The following RIC1 variants were observed in gnomAD, a reference collection of about 807,000 sequenced individuals.
RIC1 encodes guanine nucleotide exchange factor subunit RIC1.
A neutral mutation model predicts 169.0 loss-of-function variants in RIC1; 88 were observed. That is an observed-to-expected ratio of 0.52 (90% CI 0.44 to 0.62). RIC1 has a LOEUF of 0.62. Among genes scored for constraint, RIC1 ranks in the 20% least tolerant of loss-of-function variants. The probability of loss-of-function intolerance (pLI) is 0.00; values close to 1 mark genes in which losing one functional copy is unlikely to be tolerated. For synonymous variants in RIC1, 790 were observed against 601.5 expected, an observed-to-expected ratio of 1.31 and a Z score of -4.59; for missense variants, 1,877 against 1,725.5, an observed-to-expected ratio of 1.09 and a Z score of -1.56.
chr9:5,698,785 G>A (rs145200477), intron 3 of RIC1, among the ~76,000 whole-genome samples: 2 of 152,294 alleles, frequency 1.3e-5, no homozygotes, highest in African/African-American at 2.4e-5. Context: ...GTTGCAACTG[G>A]TATTGTTGTC....
intron 10 of RIC1, 61 bp from the exon 11 acceptor site, chr9:5,745,870 G>C: frequency 7.1e-7 from 1 of 1,403,128 alleles, no homozygotes; most frequent in South Asian, 1.2e-5. Context: ...ATTGAAGCTA[G>C]AAAGGGATAC....
intron 2 of RIC1, among the ~76,000 whole-genome samples, chr9:5,657,358 A>G (rs1819162057): frequency 6.6e-6 from 1 of 152,126 alleles, no homozygotes; most frequent in South Asian, 2.1e-4. Flanking sequence ...TTATGACTTA[A>G]TATGCATTAG....
At chr9:5,737,967 T>C (rs985280328) in intron 7 of RIC1, among the ~76,000 whole-genome samples, 4 of 151,828 alleles carry the variant, frequency 2.6e-5, no homozygotes, top group African/African-American at 9.7e-5. Context: ...GCAAAGGAGG[T>C]ATGTCAGGTG....
intron 2 of RIC1, among the ~76,000 whole-genome samples, chr9:5,683,802 A>G (rs999760344): frequency 4.6e-5 from 7 of 152,238 alleles, no homozygotes; most frequent in Admixed American, 2.0e-4. Flanking sequence ...ACCCAGTTCA[A>G]CTTCCCGGCT....
rs986504543 is a variant in RIC1 at position 5,629,333 on chromosome 9, C to T, written c.24C>T (p.Pro8=). The change falls in exon 1 of 26, where the codon CCC becomes CCT. Residue 8 remains proline, a synonymous_variant. Transcript: ENST00000414202. ...CCATGTATTTTCTGAGCGGCTGGCC[C>T]AAGAGGCTGCTGTGCCCTCTGGGGA... MYFLSGW[P]KRLLCPLGSP... 6.5e-7 allele frequency: 1 copy of T among 1,530,104 alleles called. No homozygotes were observed. Among genetic ancestry groups the T allele is most frequent in the South Asian group, 1.2e-5 (1 of 83,012 alleles). 94.8% of individuals were successfully genotyped at this position (1,530,104 alleles called of 1,614,324 possible).
chr9:5,763,901 TTAA>T lies in RIC1; in HGVS notation c.2841+35_2841+37del, dbSNP rs1826502460. ...TTCTCTTCTTATAAAGGGGCAAGAA[TTAA>T]TGAGCTTAAACTTAGAAAAATAGAA... On this transcript the variant is annotated intron_variant, in intron 19 of 25. Coordinates refer to ENST00000414202, the MANE Select transcript of RIC1 (RefSeq NM_020829.4). The surrounding 1 kb of genome is among the most constrained non-coding windows in gnomAD (Gnocchi z 5.2). 6.4e-7 allele frequency: 1 copy of T among 1,569,020 alleles called. No homozygotes were observed. Among genetic ancestry groups the T allele is most frequent in the Non-Finnish European group, 8.7e-7 (1 of 1,155,510 alleles).
chr9:5,706,723 C>G (rs1045373917), intron 3 of RIC1, among the ~76,000 whole-genome samples: 2 of 152,088 alleles, frequency 1.3e-5, no homozygotes, highest in Non-Finnish European at 2.9e-5. Context: ...GGTTATCTAA[C>G]TTGTTAGCAT....
intron 3 of RIC1, among the ~76,000 whole-genome samples, chr9:5,694,919 T>C (rs902342015): frequency 2.0e-5 from 3 of 152,104 alleles, no homozygotes; most frequent in Non-Finnish European, 4.4e-5. Context: ...TTTGTCCAGC[T>C]CTAGGCACTG....
chr9:5,771,094 T>C (rs1490476432), intron 23 of RIC1, among the ~76,000 whole-genome samples: 1 of 152,218 alleles, frequency 6.6e-6, no homozygotes, highest in Non-Finnish European at 1.5e-5. Context: ...ATTTAACAGC[T>C]TAACCGTTTT....
chr9:5,685,128 G>A (rs1294514627), intron 2 of RIC1, among the ~76,000 whole-genome samples: 1 of 151,420 alleles, frequency 6.6e-6, no homozygotes, highest in East Asian at 1.9e-4. Flanking sequence ...AATAAAAGAG[G>A]ATACAAACAA....
intron 10 of RIC1, among the ~76,000 whole-genome samples, chr9:5,744,504 T>G (rs925656578): frequency 6.6e-6 from 1 of 152,170 alleles, no homozygotes; most frequent in East Asian, 1.9e-4. Flanking sequence ...ACTTTTTGGA[T>G]TTTGGAATAT....
At chr9:5,752,051 C>A (rs979809210) in intron 12 of RIC1, among the ~76,000 whole-genome samples, 3 of 152,130 alleles carry the variant, frequency 2.0e-5, no homozygotes, top group Non-Finnish European at 4.4e-5. Flanking sequence ...CCAACATGTG[C>A]TCATGAAAAC....
chr9:5,681,048 G>C (rs891024828), intron 2 of RIC1, among the ~76,000 whole-genome samples: 6 of 151,142 alleles, frequency 4.0e-5, no homozygotes, highest in East Asian at 3.9e-4. Context: ...GGATGGTCTC[G>C]ATCTCCTGAC....
intron 6 of RIC1, among the ~76,000 whole-genome samples, chr9:5,724,337 C>G (rs1194712170): frequency 2.0e-5 from 3 of 152,152 alleles, no homozygotes; most frequent in Non-Finnish European, 2.9e-5. Context: ...AATGGGAGTT[C>G]ACTCATGATT....
chr9:5,757,084 G>A (rs1032455268), intron 16 of RIC1, among the ~76,000 whole-genome samples: 8 of 151,818 alleles, frequency 5.3e-5, no homozygotes, highest in Admixed American at 1.3e-4. Flanking sequence ...CCTAGTTTTC[G>A]TCTTCCCTCC....
chr9:5,688,429 A>T (rs1320537315), intron 2 of RIC1, among the ~76,000 whole-genome samples: 1 of 151,786 alleles, frequency 6.6e-6, no homozygotes. Flanking sequence ...TATTTCATAG[A>T]TTTTGTCTGT....
chr9:5,725,550 C>T (rs888017313), intron 6 of RIC1, among the ~76,000 whole-genome samples: 1 of 152,104 alleles, frequency 6.6e-6, no homozygotes, highest in African/African-American at 2.4e-5. Flanking sequence ...TTTTATGTCT[C>T]TATCTCCTTC....
chr9:5,774,322 T>TAAA lies in RIC1; in HGVS notation c.*76_*77insAAA. 2.3e-6 allele frequency: 3 copies of TAAA among 1,291,828 alleles called. No homozygotes were observed. Among genetic ancestry groups the TAAA allele is most frequent in the Non-Finnish European group, 1.1e-6 (1 of 944,220 alleles). 80.0% of individuals were successfully genotyped at this position (1,291,828 alleles called of 1,614,324 possible). A position where few individuals can be genotyped will look rare whatever the true frequency, so the allele number is the denominator to read the frequency against. ...CTCAGTACGTTGTAACATAGTTGGA[T>TAAA]GATTTAACAGGAGAACTCAGTTCAG... is the stretch of plus-strand genomic sequence containing the variant. On this transcript the variant is annotated 3_prime_UTR_variant, in exon 26 of 26. Coordinates refer to ENST00000414202, the MANE Select transcript of RIC1 (RefSeq NM_020829.4).
At chr9:5,713,559 C>T in intron 3 of RIC1, 1 of 199,138 alleles carries the variant, frequency 5.0e-6, no homozygotes, top group Non-Finnish European at 1.0e-5. Context: ...CATAGTTGTC[C>T]ACCTTAGAAA....
Sources: gnomAD v4.1 joint callset for allele counts (sites outside exome capture counted in the v4.1 genomes callset) on GRCh38, gnomAD v4.1.1 for gene constraint, Gnocchi (gnomAD v3.1) non-coding constraint, MANE v1.5 for transcripts, NCBI Gene and HGNC (gene_info 2026-07-23, HGNC 2026-07-21) for gene names.